The following SDK1 variants were observed in gnomAD, a reference collection of about 807,000 sequenced individuals.
SDK1 encodes sidekick cell adhesion molecule 1, also known as protein sidekick-1.
A neutral mutation model predicts 245.5 loss-of-function variants in SDK1; 157 were observed. The observed-to-expected ratio is 0.64, with a 90% confidence interval of 0.56 to 0.73. The LOEUF is 0.73. SDK1 is among the 30% of genes least tolerant of loss of function. The pLI, the probability that SDK1 is intolerant of heterozygous loss-of-function variation, is 0.00. For missense variants in SDK1, 3,583 were observed against 3,002.3 expected (o/e 1.19, Z -4.52); for synonymous variants, 1,647 against 1,278.5 (o/e 1.29, Z -6.15).
intron 1 of SDK1, among the ~76,000 whole-genome samples, chr7:3,527,437 T>C (rs960132158): frequency 7.2e-5 from 11 of 152,150 alleles, no homozygotes; most frequent in African/African-American, 2.7e-4. Flanking sequence ...CTGATTGATA[T>C]GATGCCATGA....
chr7:4,201,571 A>T (rs1783883210), intron 35 of SDK1, among the ~76,000 whole-genome samples: 4 of 152,268 alleles, frequency 2.6e-5, no homozygotes, highest in Admixed American at 2.6e-4. Context: ...GGCTACAGAA[A>T]CTGAAAGTAG....
chr7:3,598,230 T>G (rs1781131338), intron 1 of SDK1, among the ~76,000 whole-genome samples: 1 of 152,230 alleles, frequency 6.6e-6, no homozygotes, highest in Non-Finnish European at 1.5e-5. Context: ...TTTGCTCATT[T>G]TATTTATATA....
chr7:3,375,624 A>G (rs918783913), intron 1 of SDK1, among the ~76,000 whole-genome samples: 1 of 152,154 alleles, frequency 6.6e-6, no homozygotes, highest in African/African-American at 2.4e-5. Flanking sequence ...GGAGCTGGCT[A>G]CCTTTCGTGA....
At chr7:3,629,310 A>G (rs937544455) in intron 2 of SDK1, among the ~76,000 whole-genome samples, 5 of 88,336 alleles carry the variant, frequency 5.7e-5, no homozygotes, top group Admixed American at 1.3e-4. Flanking sequence ...CAAAAAAAAA[A>G]AGAAAAAAAA....
At chr7:3,983,261 T>C (rs529028274) in intron 13 of SDK1, among the ~76,000 whole-genome samples, 1 of 152,284 alleles carries the variant, frequency 6.6e-6, no homozygotes, top group Non-Finnish European at 1.5e-5. Flanking sequence ...GTGGGTAAAA[T>C]GTTATCAAAC....
chr7:3,391,420 G>A (rs1215734171), intron 1 of SDK1, among the ~76,000 whole-genome samples: 2 of 152,000 alleles, frequency 1.3e-5, no homozygotes, highest in Non-Finnish European at 2.9e-5. Flanking sequence ...TCATCTTAAG[G>A]AATAGAGTTG....
chr7:3,593,457 C>G (rs1167771710), intron 1 of SDK1, among the ~76,000 whole-genome samples: 1 of 152,152 alleles, frequency 6.6e-6, no homozygotes, highest in African/African-American at 2.4e-5. Flanking sequence ...TGGAAGTGCT[C>G]AGCTCATCTT....
In SDK1 at chr7:3,851,007, CA is replaced by C. The variant is rs374247384; in HGVS notation, c.847+29434del. 8.6e-3 allele frequency among the ~76,000 whole-genome samples: 1,271 copies of C among 147,288 alleles called. 17 individuals carry two copies. Among genetic ancestry groups the C allele is most frequent in the African/African-American group, 0.03 (1,198 of 40,382 alleles). On this transcript the variant is annotated intron_variant, in intron 5 of 44. Transcript: ENST00000404826. ...GTGTACCCTAGAACTTAAAGTATAA[CA>C]AAAAAAAAAGAAGACACCTTTTATT...
At chr7:3,418,364 G>C (rs1779438682) in intron 1 of SDK1, among the ~76,000 whole-genome samples, 1 of 152,062 alleles carries the variant, frequency 6.6e-6, no homozygotes, top group Non-Finnish European at 1.5e-5. Flanking sequence ...TTTTCTCAAT[G>C]GGTAGTGAAC....
rs532429400 is a variant in SDK1 at position 3,433,234 on chromosome 7, C to T, written c.298+131350C>T. 4.1e-3 allele frequency among the ~76,000 whole-genome samples: 628 copies of T among 152,256 alleles called. 8 individuals are homozygous for T. The highest frequency in any genetic ancestry group is 0.018 in the South Asian group (88 of 4,826). Reference sequence around the variant, plus strand: ...ACATTATCTAGTTATCTGCCTCAACCCTCTAGTTTCAACCAGCTTCAAGTG... The same window carrying T: ...ACATTATCTAGTTATCTGCCTCAACTCTCTAGTTTCAACCAGCTTCAAGTG... On this transcript the variant is annotated intron_variant, in intron 1 of 44. Transcript: ENST00000404826.
chr7:4,112,796 C>T (rs1783432650), intron 23 of SDK1, among the ~76,000 whole-genome samples: 1 of 151,776 alleles, frequency 6.6e-6, no homozygotes, highest in Admixed American at 6.6e-5. Flanking sequence ...GCTCTGTCAC[C>T]TAGGCTGGAG....
chr7:3,348,236 C>G (rs147883548), intron 1 of SDK1, among the ~76,000 whole-genome samples: 4 of 152,066 alleles, frequency 2.6e-5, no homozygotes, highest in African/African-American at 4.8e-5. Flanking sequence ...CTGTGTGATC[C>G]GAGGCAATTT....
chr7:3,773,952 T>C (rs939002979), intron 4 of SDK1, among the ~76,000 whole-genome samples: 5 of 152,096 alleles, frequency 3.3e-5, no homozygotes, highest in Non-Finnish European at 1.5e-5. Flanking sequence ...CGGTGGCTCA[T>C]GCCTGTAATC....
At chr7:3,869,055 G>T (rs1457722280) in intron 5 of SDK1, among the ~76,000 whole-genome samples, 2 of 151,820 alleles carry the variant, frequency 1.3e-5, no homozygotes. Flanking sequence ...GTGGGAGATT[G>T]TACTGGGCTG....
At chr7:3,453,697 AGT>A (rs1583880386) in intron 1 of SDK1, among the ~76,000 whole-genome samples, 2 of 152,272 alleles carry the variant, frequency 1.3e-5, no homozygotes, top group African/African-American at 4.8e-5. Flanking sequence ...CTCTTGCCAC[AGT>A]CTCTCCACTC....
At chr7:3,601,420 T>C (rs1781251381) in intron 1 of SDK1, among the ~76,000 whole-genome samples, 1 of 152,152 alleles carries the variant, frequency 6.6e-6, no homozygotes, top group Admixed American at 6.5e-5. Flanking sequence ...ATTTGGACTA[T>C]TAATATTTCA....
At chr7:3,483,279 C>A (rs1181665540) in intron 1 of SDK1, among the ~76,000 whole-genome samples, 1 of 152,082 alleles carries the variant, frequency 6.6e-6, no homozygotes, top group African/African-American at 2.4e-5. Context: ...GTCCTTTAGT[C>A]AAGTTTTATA....
At chr7:3,429,511 G>C (rs535322871) in intron 1 of SDK1, among the ~76,000 whole-genome samples, 1 of 152,022 alleles carries the variant, frequency 6.6e-6, no homozygotes, top group Non-Finnish European at 1.5e-5. Context: ...TTTTGATCTT[G>C]CATGTTGTGT....
rs77472220 is a variant in SDK1 at position 3,708,006 on chromosome 7, T to A, written c.713+65901T>A. On this transcript the variant is annotated intron_variant, in intron 4 of 44. Transcript: ENST00000404826. The stretch of plus-strand genomic sequence containing the variant: ...TGAGACTGAGTAATTTATTTTTTTT[T>A]AAAAAGAGGTTTAGATAGCTCATGG... 4.0e-3 allele frequency among the ~76,000 whole-genome samples: 606 copies of A among 152,168 alleles called. 6 individuals carry two copies. The highest frequency in any genetic ancestry group is 0.014 in the Middle Eastern group (4 of 294).
Sources: allele counts gnomAD v4.1 joint callset (sites outside exome capture counted in the v4.1 genomes callset), GRCh38; gene constraint gnomAD v4.1.1; transcripts MANE v1.5; gene names NCBI Gene and HGNC (gene_info 2026-07-23, HGNC 2026-07-21).